PCDHA9: variants seen among roughly 807,000 people sequenced by gnomAD.
The protein encoded by PCDHA9 is protocadherin alpha-9.
A neutral mutation model predicts 62.0 loss-of-function variants in PCDHA9; 62 were observed. The observed-to-expected ratio is 1.00, with a 90% CI of 0.81 to 1.23. The LOEUF is 1.23. Among genes scored for constraint, PCDHA9 ranks in the 50% most tolerant of loss-of-function variants. PCDHA9 has a pLI of 0.00. For synonymous variants in PCDHA9, 557 were observed against 567.6 expected (o/e 0.98, Z 0.27); for missense variants, 1,205 against 1,249.8 (o/e 0.96, Z 0.54).
rs186179297 is a variant in PCDHA9, at chr5:140,987,139, G to A, written c.2542+4576G>A. Among the ~76,000 whole-genome samples the A allele has an allele frequency of 5.1e-4, 78 of 151,932 alleles. 3 individuals are homozygous for A. The East Asian group carries it at 0.014, about 28-fold the overall frequency. On this transcript the variant is annotated intron_variant, in intron 3 of 3. Transcript: ENST00000532602. The stretch of plus-strand genomic sequence containing the variant: ...TGAGGCAGGAGAATTGCTTGAACTC[G>A]GGAGGTGGAGGTTGCAGTGAGCTGA...
At chr5:140,877,992 A>G (rs572306139) in intron 1 of PCDHA9, 7 of 1,096,526 alleles carry the variant, frequency 6.4e-6, no homozygotes, top group Non-Finnish European at 8.6e-6. Flanking sequence ...TTGAACTTTT[A>G]TGTATTTGTC....
intron 1 of PCDHA9, chr5:140,857,412 C>A: frequency 1.3e-6 from 2 of 1,598,338 alleles, no homozygotes; most frequent in Non-Finnish European, 1.7e-6. Context: ...CCTGCGTTCG[C>A]GCAGTCCGAG....
chr5:140,881,283 A>T, intron 1 of PCDHA9: 1 of 799,388 alleles, frequency 1.3e-6, no homozygotes, highest in Non-Finnish European at 1.5e-6. Flanking sequence ...TAAGATGGAG[A>T]GAGAAAATGG....
chr5:140,876,094 C>T lies in PCDHA9; in HGVS notation c.2394+25205C>T, dbSNP rs782479233. 13 of 1,613,808 alleles carry T rather than the reference C, an allele frequency of 8.1e-6. No homozygotes were observed. In the Admixed American group the frequency reaches 1.5e-4, roughly 19 times the overall value. On this transcript the variant is annotated intron_variant, in intron 1 of 3. Transcript: ENST00000532602. ...ATTGGACAGAGAGCAAACGCCAAAA[C>T]TCAATTTATTGCTGATGGTAATCGA...
intron 1 of PCDHA9, among the ~76,000 whole-genome samples, chr5:140,950,799 G>C (rs1218789077): frequency 5.3e-5 from 8 of 151,796 alleles, no homozygotes; most frequent in African/African-American, 1.7e-4. Flanking sequence ...ATATTGTCTG[G>C]TTTTACCATA....
chr5:140,975,127 T>C (rs1331047394), intron 1 of PCDHA9, among the ~76,000 whole-genome samples: 2 of 152,288 alleles, frequency 1.3e-5, no homozygotes, highest in East Asian at 1.9e-4. Flanking sequence ...CTACTTACTA[T>C]TGGCCTGGGG....
chr5:140,935,353 T>C (rs2090328143), intron 1 of PCDHA9, among the ~76,000 whole-genome samples: 1 of 152,184 alleles, frequency 6.6e-6, no homozygotes, highest in Non-Finnish European at 1.5e-5. Flanking sequence ...CAAATCCCAG[T>C]TTTCATTAAC....
chr5:140,933,653 G>GTC (rs1245688430), intron 1 of PCDHA9, among the ~76,000 whole-genome samples: 13 of 151,864 alleles, frequency 8.6e-5, no homozygotes, highest in African/African-American at 2.7e-4. Flanking sequence ...TGGAAATCCT[G>GTC]TCTCTCTCTC....
At chr5:140,865,966 T>C (rs1376241258) in intron 1 of PCDHA9, 5 of 152,194 alleles carry the variant, frequency 3.3e-5, no homozygotes, top group Non-Finnish European at 2.9e-5. Context: ...TTTTGTACAA[T>C]GTGTGATTGA....
intron 1 of PCDHA9, chr5:140,857,734 C>G: frequency 3.1e-6 from 5 of 1,597,392 alleles, no homozygotes; most frequent in Non-Finnish European, 4.3e-6. Flanking sequence ...ACAACGCTCC[C>G]GCGCTGCTGG....
At chr5:141,007,878 C>G (rs1316002060) in intron 3 of PCDHA9, among the ~76,000 whole-genome samples, 5 of 152,212 alleles carry the variant, frequency 3.3e-5, no homozygotes, top group African/African-American at 7.2e-5. Flanking sequence ...TTGTCTTACA[C>G]TTCTTTAAAA....
chr5:140,862,838 T>A (rs555167030), intron 1 of PCDHA9: 1 of 575,064 alleles, frequency 1.7e-6, no homozygotes, highest in South Asian at 1.4e-5. Flanking sequence ...GACGCGGGCA[T>A]GCCGCCTCTG....
intron 1 of PCDHA9, chr5:140,877,179 G>T (rs1554169418): frequency 1.2e-6 from 2 of 1,613,830 alleles, no homozygotes. Flanking sequence ...TGGCGACTCC[G>T]GCTGGCAGCG....
At chr5:140,954,427 C>T (rs545024696) in intron 1 of PCDHA9, among the ~76,000 whole-genome samples, 1 of 152,200 alleles carries the variant, frequency 6.6e-6, no homozygotes, top group Admixed American at 6.5e-5. Context: ...CCTTTTTCTC[C>T]ATCTGTTGTT....
rs2150440607 is a variant in PCDHA9 at position 140,849,557 on chromosome 5, G to A, written c.1062G>A (p.Thr354=). Residue 354 remains threonine (T), a synonymous_variant, in exon 1 of 4, where the codon ACG becomes ACA. Transcript: ENST00000532602. ...NDNAPQLTIK[T]LSVPVKEDAQ... ...ATGCTCCACAGTTGACTATCAAAACGCTCTCGGTTCCTGTAAAAGAGGACG... is the reference window on the plus strand; with the variant it reads ...ATGCTCCACAGTTGACTATCAAAACACTCTCGGTTCCTGTAAAAGAGGACG... The A allele has an allele frequency of 6.3e-7, 1 of 1,598,482 alleles. No individual in the cohort carries two copies.
chr5:140,871,332 G>T (rs1182944600), intron 1 of PCDHA9: 6 of 1,614,146 alleles, frequency 3.7e-6, no homozygotes, highest in South Asian at 1.1e-5. Flanking sequence ...GCTCCCGCGC[G>T]GTGGGGAGCT....
intron 1 of PCDHA9, among the ~76,000 whole-genome samples, chr5:140,886,696 C>T (rs564317930): frequency 2.0e-5 from 3 of 151,944 alleles, no homozygotes; most frequent in Non-Finnish European, 2.9e-5. Flanking sequence ...CATGGTGGCA[C>T]GCGCCTGTAA....
intron 1 of PCDHA9, among the ~76,000 whole-genome samples, chr5:140,881,802 G>A (rs1239090795): frequency 1.3e-5 from 2 of 152,182 alleles, no homozygotes; most frequent in Admixed American, 6.5e-5. Context: ...CCCAAAACGA[G>A]TGTCGAATAT....
At chr5:140,863,421 CGTA>C in intron 1 of PCDHA9, 3 of 689,676 alleles carry the variant, frequency 4.3e-6, no homozygotes, top group Non-Finnish European at 7.6e-6. Flanking sequence ...TGTACCGCAG[CGTA>C]GTGGGATCTG....
Sources: gnomAD v4.1 joint callset for allele counts (sites outside exome capture counted in the v4.1 genomes callset) on GRCh38, gnomAD v4.1.1 for gene constraint, MANE v1.5 for transcripts, NCBI Gene and HGNC (gene_info 2026-07-23, HGNC 2026-07-21) for gene names.